Variants in ATP10B observed in about 807,000 individuals in gnomAD.
The protein encoded by ATP10B is phospholipid-transporting ATPase VB.
In ATP10B, 122 loss-of-function variants were observed where a neutral mutation model predicts 141.2. The observed-to-expected ratio is 0.86, with a 90% CI of 0.75 to 1.00. The LOEUF (loss-of-function observed/expected upper bound fraction) is 1.00, where lower values mean the gene tolerates loss of function less well. Among genes scored for constraint, ATP10B ranks in the 50% least tolerant of loss-of-function variants. ATP10B has a pLI of 0.00. For synonymous variants in ATP10B, 685 were observed against 692.0 expected (o/e 0.99, Z 0.16); for missense variants, 1,876 against 1,825.3 (o/e 1.03, Z -0.51).
chr5:160,832,724 C>T (rs1325822089), intron 1 of ATP10B, among the ~76,000 whole-genome samples: 4 of 152,032 alleles, frequency 2.6e-5, no homozygotes, highest in Non-Finnish European at 5.9e-5. Flanking sequence ...CCTGACGACA[C>T]AAAAATACCT....
chr5:160,633,927 C>T, intron 12 of ATP10B: 1 of 332,676 alleles, frequency 3.0e-6, no homozygotes, highest in Non-Finnish European at 5.9e-6. Context: ...AAGACATCTT[C>T]TGGATGTATT....
chr5:160,919,243 A>AAAAAAAAAAAAAAAAAC, the ATP10B span, among the ~76,000 whole-genome samples: 1 of 147,982 alleles, frequency 6.8e-6, no homozygotes, highest in Non-Finnish European at 1.5e-5. Flanking sequence ...AAAAAAAAAA[A>AAAAAAAAAAAAAAAAAC]AAGCAGGGAG....
intron 2 of ATP10B, among the ~76,000 whole-genome samples, chr5:160,777,184 G>T (rs1770396507): frequency 6.6e-6 from 1 of 152,262 alleles, no homozygotes; most frequent in South Asian, 2.1e-4. Context: ...GGTCTCTGAT[G>T]AAGGGTCTGC....
At position 160,563,800 on chromosome 5, in the gene ATP10B, C is replaced by T. The variant is rs1754388515; in HGVS notation, c.*1653G>A. On this transcript the variant is annotated 3_prime_UTR_variant, in exon 26 of 26. Transcript: ENST00000327245. Reference sequence around the variant, plus strand: ...CCTGAGATCCAAGTTTTGACTCAATCCCCTCACTGGAAACAATTCACATCA... The same window carrying T: ...CCTGAGATCCAAGTTTTGACTCAATTCCCTCACTGGAAACAATTCACATCA... 1 of 152,142 alleles carries T rather than the reference C, an allele frequency of 6.6e-6. No individual in the cohort carries two copies. Among genetic ancestry groups the T allele is most frequent in the Admixed American group, 6.6e-5 (1 of 15,266 alleles). 9.4% of individuals were successfully genotyped at this position (152,142 alleles called of 1,614,324 possible). A position where few individuals can be genotyped will look rare whatever the true frequency, so the allele number is the denominator to read the frequency against.
intron 24 of ATP10B, among the ~76,000 whole-genome samples, chr5:160,575,939 C>G (rs1417413540): frequency 1.3e-5 from 2 of 152,356 alleles, no homozygotes; most frequent in Middle Eastern, 3.4e-3. Context: ...GCTTTCCTCT[C>G]TGTTGGTCTC....
the ATP10B span, among the ~76,000 whole-genome samples, chr5:160,861,555 A>C: frequency 6.6e-6 from 1 of 151,966 alleles, no homozygotes; most frequent in African/African-American, 2.4e-5. Flanking sequence ...TCAATGCATG[A>C]GGAGAAAGGG....
At chr5:160,873,524 C>G in the ATP10B span, among the ~76,000 whole-genome samples, 1 of 152,162 alleles carries the variant, frequency 6.6e-6, no homozygotes, top group Non-Finnish European at 1.5e-5. Flanking sequence ...GCCAGGCTCT[C>G]GAGGAGCCAA....
chr5:160,658,951 T>C (rs547420154), intron 7 of ATP10B, among the ~76,000 whole-genome samples: 39 of 152,310 alleles, frequency 2.6e-4, no homozygotes, highest in Non-Finnish European at 3.8e-4. Context: ...TCTTAACTAA[T>C]CCGTATACCA....
At chr5:160,709,139 G>C (rs1177859755) in intron 3 of ATP10B, among the ~76,000 whole-genome samples, 2 of 152,150 alleles carry the variant, frequency 1.3e-5, no homozygotes, top group Non-Finnish European at 2.9e-5. Context: ...TTAAAGACCT[G>C]CCTCATTGAG....
At position 160,727,941 on chromosome 5, in the gene ATP10B, T is replaced by C. The variant is rs187997460; in HGVS notation, c.-330-10907A>G. Among the ~76,000 whole-genome samples the C allele has an allele frequency of 3.3e-5, 5 of 152,364 alleles. No individual in the cohort carries two copies. In the East Asian group the frequency reaches 7.7e-4, roughly 23 times the overall value. ...AACAAGGACATACCAATTGTAACTTTAGGTCTACAATCTAAGTCTTGCTCC... is the reference window on the plus strand; with the variant it reads ...AACAAGGACATACCAATTGTAACTTCAGGTCTACAATCTAAGTCTTGCTCC... On this transcript the variant is annotated intron_variant, in intron 2 of 25. Transcript: ENST00000327245.
At chr5:160,910,921 C>T in the ATP10B span, among the ~76,000 whole-genome samples, 2 of 152,154 alleles carry the variant, frequency 1.3e-5, no homozygotes, top group Non-Finnish European at 2.9e-5. Flanking sequence ...AGGTTGGTGC[C>T]TTTTTCCTGG....
At chr5:160,656,549 T>A (rs1489437246) in intron 7 of ATP10B, among the ~76,000 whole-genome samples, 1 of 152,234 alleles carries the variant, frequency 6.6e-6, no homozygotes, top group Non-Finnish European at 1.5e-5. Flanking sequence ...CATGTACCAC[T>A]ATCTTTCAGA....
At chr5:160,756,144 G>A (rs932897067) in intron 2 of ATP10B, among the ~76,000 whole-genome samples, 1 of 98,870 alleles carries the variant, frequency 1.0e-5, no homozygotes, top group African/African-American at 4.2e-5. Flanking sequence ...TTTGCATTAT[G>A]TATTTTTTTT....
intron 24 of ATP10B, among the ~76,000 whole-genome samples, chr5:160,586,615 T>C (rs1257670200): frequency 6.6e-6 from 1 of 152,238 alleles, no homozygotes; most frequent in Non-Finnish European, 1.5e-5. Flanking sequence ...GCGTTCCTAT[T>C]TCTCCACTGC....
At chr5:160,672,040 G>A (rs921608184) in intron 6 of ATP10B, among the ~76,000 whole-genome samples, 4 of 127,666 alleles carry the variant, frequency 3.1e-5, no homozygotes, top group African/African-American at 1.2e-4. Context: ...GCAGTCGTAC[G>A]ATCTTGGCTC....
chr5:160,576,407 A>G (rs961807418), intron 24 of ATP10B, among the ~76,000 whole-genome samples: 1 of 152,212 alleles, frequency 6.6e-6, no homozygotes, highest in Non-Finnish European at 1.5e-5. Flanking sequence ...GGAGGGGTCT[A>G]TGGGAAGCAG....
intron 1 of ATP10B, among the ~76,000 whole-genome samples, chr5:160,829,509 G>A (rs1034422969): frequency 6.6e-6 from 1 of 152,116 alleles, no homozygotes; most frequent in Admixed American, 6.6e-5. Context: ...AGTGACATTG[G>A]TAGGTTGATA....
chr5:160,729,826 G>A (rs1050880203), intron 2 of ATP10B, among the ~76,000 whole-genome samples: 2 of 152,088 alleles, frequency 1.3e-5, no homozygotes, highest in African/African-American at 4.8e-5. Flanking sequence ...GAGAGAGAGT[G>A]AGAAGTAAGG....
At chr5:160,801,644 TC>T (rs1772374016) in intron 1 of ATP10B, among the ~76,000 whole-genome samples, 1 of 152,072 alleles carries the variant, frequency 6.6e-6, no homozygotes, top group Admixed American at 6.6e-5. Context: ...GAACCCATTC[TC>T]CCCCAAATCA....
Sources: gnomAD v4.1 joint callset for allele counts (sites outside exome capture counted in the v4.1 genomes callset) on GRCh38, gnomAD v4.1.1 for gene constraint, MANE v1.5 for transcripts, NCBI Gene and HGNC (gene_info 2026-07-23, HGNC 2026-07-21) for gene names.